The following HPCAL1 variants were observed in gnomAD, a reference collection of about 807,000 sequenced individuals.
HPCAL1 encodes the protein hippocalcin-like protein 1.
Under a neutral mutation model 17.1 loss-of-function variants are expected in HPCAL1, and 8 were observed. The ratio of observed to expected loss-of-function variants is 0.47; its 90% CI spans 0.27 to 0.84. HPCAL1 has a LOEUF of 0.84. Among genes scored for constraint, HPCAL1 ranks in the 40% least tolerant of loss-of-function variants. HPCAL1 has a pLI of 0.13. For missense variants in HPCAL1, 165 were observed against 271.1 expected, an observed-to-expected ratio of 0.61 and a Z score of 2.75; for synonymous variants, 112 against 111.4, an observed-to-expected ratio of 1.01 and a Z score of -0.03.
intron 1 of HPCAL1, among the ~76,000 whole-genome samples, chr2:10,325,944 G>T (rs1034876200): frequency 9.9e-5 from 15 of 152,200 alleles, no homozygotes; most frequent in Non-Finnish European, 1.8e-4. Context: ...AGCAGTTGGG[G>T]ATTTAAAAAC....
intron 1 of HPCAL1, among the ~76,000 whole-genome samples, chr2:10,360,020 G>A (rs1251661338): frequency 6.6e-6 from 1 of 152,068 alleles, no homozygotes; most frequent in Non-Finnish European, 1.5e-5. Context: ...TTCACTGTGT[G>A]GGGTGTCGGG....
intron 1 of HPCAL1, among the ~76,000 whole-genome samples, chr2:10,374,334 C>T (rs1475129149): frequency 6.6e-6 from 1 of 151,318 alleles, no homozygotes; most frequent in Non-Finnish European, 1.5e-5. Flanking sequence ...CTGGTGGTCG[C>T]CTTCTCACAC....
chr2:10,395,113 AACACACACAC>A lies in HPCAL1; in HGVS notation c.-110-1685_-110-1676del, dbSNP rs55678486. Among the ~76,000 whole-genome samples, 5,874 of 138,452 alleles carry A rather than the reference AACACACACAC, an allele frequency of 0.042. 421 individuals carry two copies. The highest frequency in any genetic ancestry group is 0.15 in the African/African-American group (5,462 of 36,704). 90.8% of individuals were successfully genotyped at this position (138,452 alleles called of 152,430 possible). On this transcript the variant is annotated intron_variant, in intron 1 of 4. Coordinates refer to ENST00000307845, the MANE Select transcript of HPCAL1 (RefSeq NM_002149.4). This position sits in a 1 kb window ranked among gnomAD's most constrained non-coding sequence, Gnocchi z 4.4. Reference sequence around the variant, plus strand: ...TGTCCAGCCTAAAATCTATCTTTAAAACACACACACACACACACACACACACACACACACA... The same window carrying A: ...TGTCCAGCCTAAAATCTATCTTTAAAACACACACACACACACACACACACA...
intron 1 of HPCAL1, among the ~76,000 whole-genome samples, chr2:10,329,052 A>C (rs1664191043): frequency 6.6e-6 from 1 of 151,814 alleles, no homozygotes; most frequent in Non-Finnish European, 1.5e-5. Flanking sequence ...CTAGTCTCCA[A>C]CTCCTGGGTT....
chr2:10,411,150 G>C (rs888944230), intron 2 of HPCAL1, among the ~76,000 whole-genome samples: 2 of 152,160 alleles, frequency 1.3e-5, no homozygotes, highest in East Asian at 1.9e-4. Context: ...CAGTGGGGAG[G>C]CCATCTTGCA....
chr2:10,416,673 T>A (rs1050760632), intron 2 of HPCAL1, among the ~76,000 whole-genome samples: 23 of 151,836 alleles, frequency 1.5e-4, no homozygotes, highest in African/African-American at 5.1e-4. Flanking sequence ...GGTATTTTGG[T>A]AGTAGTGATC....
chr2:10,326,950 G>A (rs1664055990), intron 1 of HPCAL1, among the ~76,000 whole-genome samples: 1 of 152,208 alleles, frequency 6.6e-6, no homozygotes, highest in Non-Finnish European at 1.5e-5. Flanking sequence ...TGTCTCGGTT[G>A]TCCCTTTGGC....
At chr2:10,369,070 C>T (rs1667048185) in intron 1 of HPCAL1, 1 of 152,192 alleles carries the variant, frequency 6.6e-6, no homozygotes, top group East Asian at 1.9e-4. Flanking sequence ...ACGGTCGCCT[C>T]AGGCTGGCCA....
chr2:10,394,922 G>C lies in HPCAL1; in HGVS notation c.-110-1913G>C, dbSNP rs1668918835. On this transcript the variant is annotated intron_variant, in intron 1 of 4. Transcript: ENST00000307845. This position sits in a 1 kb window ranked among gnomAD's most constrained non-coding sequence, Gnocchi z 5.0. ...GTGATCTTCCCACCTCAGCCTCCCA[G>C]GTAGCTGGGACTACAGGCACGCACC... Among the ~76,000 whole-genome samples the C allele has an allele frequency of 6.6e-6, 1 of 151,876 alleles. No individual in the cohort carries two copies. Among genetic ancestry groups the C allele is most frequent in the African/African-American group, 2.4e-5 (1 of 41,316 alleles).
chr2:10,393,429 C>CCAG (rs2125567024), intron 1 of HPCAL1, among the ~76,000 whole-genome samples: 1 of 152,348 alleles, frequency 6.6e-6, no homozygotes, highest in East Asian at 1.9e-4. Flanking sequence ...TCTGCGGAGT[C>CCAG]CAGCTCATCC....
intron 1 of HPCAL1, among the ~76,000 whole-genome samples, chr2:10,307,863 C>T (rs185695099): frequency 6.6e-6 from 1 of 152,338 alleles, no homozygotes; most frequent in Non-Finnish European, 1.5e-5. Context: ...ACGCAGATTT[C>T]ATCATCCCAC....
At chr2:10,380,782 C>G (rs1326718810) in intron 1 of HPCAL1, among the ~76,000 whole-genome samples, 1 of 152,200 alleles carries the variant, frequency 6.6e-6, no homozygotes, top group Non-Finnish European at 1.5e-5. Flanking sequence ...TGGCATCCTG[C>G]ACTCACTCAC....
At position 10,342,323 on chromosome 2, in the gene HPCAL1, AG is replaced by A. The variant is rs1289353306; in HGVS notation, c.-111+39150del. Among the ~76,000 whole-genome samples the A allele has an allele frequency of 6.6e-6, 1 of 152,196 alleles. No homozygotes were observed. The highest frequency in any genetic ancestry group is 1.5e-5 in the Non-Finnish European group (1 of 68,026). On this transcript the variant is annotated intron_variant, in intron 1 of 4. Transcript: ENST00000307845. This position sits in a 1 kb window ranked among gnomAD's most constrained non-coding sequence, Gnocchi z 4.1. ...TGGGGACCCTGCCTCGCCCGCCTCC[AG>A]GGGCACACTGCATTCTTTGTGGAAG... is the stretch of plus-strand genomic sequence containing the variant.
intron 1 of HPCAL1, among the ~76,000 whole-genome samples, chr2:10,308,335 TTA>T (rs1662751663): frequency 1.3e-5 from 2 of 152,264 alleles, no homozygotes; most frequent in South Asian, 4.1e-4. Context: ...TTTCAGTAAA[TTA>T]ATAGAGTTCA....
At chr2:10,371,968 C>G (rs950448921) in intron 1 of HPCAL1, among the ~76,000 whole-genome samples, 4 of 152,208 alleles carry the variant, frequency 2.6e-5, no homozygotes, top group African/African-American at 9.7e-5. Context: ...TCAGATGTTT[C>G]TCTCCTTCTT....
At chr2:10,339,567 T>C (rs1664938370) in intron 1 of HPCAL1, among the ~76,000 whole-genome samples, 1 of 152,226 alleles carries the variant, frequency 6.6e-6, no homozygotes, top group South Asian at 2.1e-4. Context: ...CAGGCTGGTC[T>C]TCAACTCCTG....
In HPCAL1 at chr2:10,331,224, G is replaced by A. The variant is rs990260769; in HGVS notation, c.-111+28047G>A. 2.6e-5 allele frequency among the ~76,000 whole-genome samples: 4 copies of A among 151,930 alleles called. No individual in the cohort carries two copies. The highest frequency in any genetic ancestry group is 2.1e-4 in the South Asian group (1 of 4,814). On this transcript the variant is annotated intron_variant, in intron 1 of 4. Transcript: ENST00000307845. This position sits in a 1 kb window ranked among gnomAD's most constrained non-coding sequence, Gnocchi z 5.0. ...CTCCTGCCTGCCCCCAGGTGCCCCCGGCCCAGCCACAGGGTGCTGGCTGCC... is the reference window on the plus strand; with the variant it reads ...CTCCTGCCTGCCCCCAGGTGCCCCCAGCCCAGCCACAGGGTGCTGGCTGCC...
intron 1 of HPCAL1, among the ~76,000 whole-genome samples, chr2:10,346,198 C>A (rs1417305922): frequency 6.6e-6 from 1 of 151,226 alleles, no homozygotes; most frequent in African/African-American, 2.4e-5. Context: ...TCATGTCCTT[C>A]TTTGAGGGGG....
intron 1 of HPCAL1, among the ~76,000 whole-genome samples, chr2:10,341,325 G>A (rs796545383): frequency 1.5e-4 from 23 of 152,186 alleles, no homozygotes; most frequent in African/African-American, 5.3e-4. Context: ...GCCAGACACG[G>A]TGGTGCATGC....
Sources: gnomAD v4.1 joint callset for allele counts (sites outside exome capture counted in the v4.1 genomes callset) on GRCh38, gnomAD v4.1.1 for gene constraint, Gnocchi (gnomAD v3.1) non-coding constraint, MANE v1.5 for transcripts, NCBI Gene and HGNC (gene_info 2026-07-23, HGNC 2026-07-21) for gene names.